CUL7: variants seen among roughly 807,000 people sequenced by gnomAD.
The protein encoded by CUL7 is cullin-7.
A neutral mutation model predicts 177.7 loss-of-function variants in CUL7; 96 were observed. The observed-to-expected ratio is 0.54, with a 90% confidence interval of 0.46 to 0.64. The LOEUF is 0.64. Ranked by LOEUF, CUL7 falls within the 30% of genes least tolerant of loss-of-function variation. CUL7 has a pLI of 0.00. For synonymous variants in CUL7, 824 were observed against 890.2 expected (o/e 0.93, Z 1.32); for missense variants, 1,893 against 2,187.9 (o/e 0.87, Z 2.69).
At chr6:43,046,733 TGG>T in intron 10 of CUL7, 132 bp from the exon 11 acceptor site, 1 of 1,417,370 alleles carries the variant, frequency 7.1e-7, no homozygotes, top group South Asian at 1.2e-5. Flanking sequence ...CAGGCCCAGA[TGG>T]GGCAGAGGGG....
chr6:43,038,554 C>A lies in CUL7; in HGVS notation c.4567+12G>T. The A allele has an allele frequency of 6.2e-7, 1 of 1,614,120 alleles. No individual in the cohort carries two copies. Among genetic ancestry groups the A allele is most frequent in the Non-Finnish European group, 8.5e-7 (1 of 1,179,992 alleles). On this transcript the variant is annotated intron_variant, in intron 24 of 25. Coordinates refer to ENST00000265348, the MANE Select transcript of CUL7 (RefSeq NM_014780.5). ...CCTCAGAGCAGAGGCCCCTCTGGCC[C>A]TAAGTGCATACCTCCTGGTATATCC...
intron 6 of CUL7, 41 bp from the exon 7 acceptor site, chr6:43,049,703 G>C: frequency 6.2e-7 from 1 of 1,611,204 alleles, no homozygotes; most frequent in South Asian, 1.1e-5. Context: ...CAGCCCTGCC[G>C]ACCCAGAGGC....
At position 43,043,007 on chromosome 6, in the gene CUL7, T is replaced by C; in HGVS notation, c.3463-23A>G. The C allele has an allele frequency of 1.2e-6, 2 of 1,614,038 alleles. No homozygotes were observed. Among genetic ancestry groups the C allele is most frequent in the Non-Finnish European group, 1.7e-6 (2 of 1,179,968 alleles). Reference sequence around the variant, plus strand: ...CACCTGGAAGGAAGGGGCAGGAGCATGAAGACACAACCCAACATGCCACCA... The same window carrying C: ...CACCTGGAAGGAAGGGGCAGGAGCACGAAGACACAACCCAACATGCCACCA... On this transcript the variant is annotated intron_variant, in intron 18 of 25. Transcript: ENST00000265348. This position sits in a 1 kb window ranked among gnomAD's most constrained non-coding sequence, Gnocchi z 4.2.
In CUL7 at chr6:43,043,470, A is replaced by G. The variant is rs912329930; in HGVS notation, c.3333T>C (p.Pro1111=). The change falls in exon 17 of 26, where the codon CCT becomes CCC. Residue 1111 remains proline, a synonymous_variant. Transcript: ENST00000265348. The surrounding 1 kb of genome is among the most constrained non-coding windows in gnomAD (Gnocchi z 4.2). ...CACTGGGCCGAGGAGTGGCCACCAC[A>G]GGAGGGGGTGCCTCACAGGGCTCGA... ...VHVEPCEAPP[P]VVATPRPKGR... The G allele has an allele frequency of 1.2e-6, 2 of 1,613,986 alleles. No individual in the cohort carries two copies. Among genetic ancestry groups the G allele is most frequent in the Non-Finnish European group, 1.7e-6 (2 of 1,179,906 alleles).
At position 43,038,016 on chromosome 6, in the gene CUL7, T is replaced by A; in HGVS notation, c.4774-5A>T. The A allele has an allele frequency of 6.3e-7, 1 of 1,588,994 alleles. No individual in the cohort carries two copies. Among genetic ancestry groups the A allele is most frequent in the Non-Finnish European group, 8.6e-7 (1 of 1,166,572 alleles). ...CTTCTGCCAAGCCTCCAGCACCTGG[T>A]GTGGGGGAGGAAGGGAGAAGCGGTA... is the stretch of plus-strand genomic sequence containing the variant. On this transcript the variant is annotated splice_polypyrimidine_tract_variant and splice_region_variant and intron_variant, in intron 25 of 25. Transcript: ENST00000265348.
In CUL7 at chr6:43,052,489, C is replaced by T. The variant is rs377406451; in HGVS notation, c.300G>A (p.Gly100=). 7.6e-5 allele frequency: 123 copies of T among 1,614,066 alleles called. No individual in the cohort carries two copies. Among genetic ancestry groups the T allele is most frequent in the East Asian group, 1.1e-4 (5 of 44,894 alleles). ...GPSQESAGEV[G]ALDKSVLEEM... is the part of the protein sequence containing the mutation. ...CCTCCAGCACAGATTTGTCCAGGGCCCCAACCTCCCCTGCAGACTCCTGGG... is the reference window on the plus strand; with the variant it reads ...CCTCCAGCACAGATTTGTCCAGGGCTCCAACCTCCCCTGCAGACTCCTGGG... The change falls in exon 2 of 26, where the codon GGG becomes GGA. Residue 100 remains glycine, a synonymous_variant. Coordinates refer to ENST00000265348, the MANE Select transcript of CUL7 (RefSeq NM_014780.5). The surrounding 1 kb of genome is among the most constrained non-coding windows in gnomAD (Gnocchi z 4.5).
chr6:43,043,601 G>A lies in CUL7; in HGVS notation c.3202C>T (p.Leu1068=), dbSNP rs367872974. 5.6e-6 allele frequency: 9 copies of A among 1,611,912 alleles called. No individual in the cohort carries two copies. The highest frequency in any genetic ancestry group is 7.6e-6 in the Non-Finnish European group (9 of 1,179,006). ...DEDGISPLGW[L]LDQYLECQEA... ...TGACACTCCAGGTACTGGTCCAGCA[G>A]CCAACCCAGGGGGCTAATGCCATCC... The change falls in exon 17 of 26, where the codon CTG becomes TTG. Residue 1068 remains leucine (L), a synonymous_variant. Transcript: ENST00000265348. The surrounding 1 kb of genome is among the most constrained non-coding windows in gnomAD (Gnocchi z 4.2).
chr6:43,038,602 G>A lies in CUL7; in HGVS notation c.4531C>T (p.Pro1511Ser). 6.2e-7 allele frequency: 1 copy of A among 1,614,066 alleles called. No individual in the cohort carries two copies. The highest frequency in any genetic ancestry group is 1.1e-5 in the South Asian group (1 of 91,080). The change falls in exon 24 of 26, where the codon CCC becomes TCC. Residue 1511 changes from proline to serine, a missense_variant. By Grantham distance (74) the Pro-to-Ser change is moderately conservative (BLOSUM62 -1). Transcript: ENST00000265348. Reference sequence around the variant, plus strand: ...TCCTTTTGCTCGTGAAGGTCCAGGGGGCCTCTTGAAGAGGTGAGGGGCCCA... The same window carrying A: ...TCCTTTTGCTCGTGAAGGTCCAGGGAGCCTCTTGAAGAGGTGAGGGGCCCA... ...AIGPLTSSRGPLDLHEQKDIP... is the reference protein window; with the variant it reads ...AIGPLTSSRGSLDLHEQKDIP...
rs746260381 is a variant in CUL7 at position 43,044,810 on chromosome 6, C to G, written c.3114G>C (p.Leu1038=). ...FLPDDEAAQA[L]GKTCWEALVS... is the part of the protein sequence containing the mutation. ...CCAGGGCCTCCCAGCAGGTCTTGCC[C>G]AGAGCTTGGGCAGCCTCGTCATCAG... is the stretch of plus-strand genomic sequence containing the variant. Residue 1038 remains leucine, a synonymous_variant, in exon 16 of 26, where the codon CTG becomes CTC. Coordinates refer to ENST00000265348, the MANE Select transcript of CUL7 (RefSeq NM_014780.5). 1.9e-6 allele frequency: 3 copies of G among 1,613,834 alleles called. No homozygotes were observed. Among genetic ancestry groups the G allele is most frequent in the Non-Finnish European group, 2.5e-6 (3 of 1,179,852 alleles).
chr6:43,051,608 T>C lies in CUL7; in HGVS notation c.732+4A>G, dbSNP rs141850266. The C allele has an allele frequency of 4.3e-6, 7 of 1,614,004 alleles. No individual in the cohort carries two copies. The highest frequency in any genetic ancestry group is 1.3e-5 in the African/African-American group (1 of 74,876). ...TCCCCCCACCTTACACCCCCAAAGG[T>C]TACCTGTGGTAGCTGAATGCCCTCG... On this transcript the variant is annotated splice_donor_region_variant and intron_variant, in intron 3 of 25. Coordinates refer to ENST00000265348, the MANE Select transcript of CUL7 (RefSeq NM_014780.5). The surrounding 1 kb of genome is among the most constrained non-coding windows in gnomAD (Gnocchi z 5.0).
In CUL7 at chr6:43,053,731, G is replaced by A. The variant is rs1488000178; in HGVS notation, c.-118C>T. 4.8e-6 allele frequency: 7 copies of A among 1,471,254 alleles called. No individual in the cohort carries two copies. Among genetic ancestry groups the A allele is most frequent in the Admixed American group, 2.3e-5 (1 of 42,842 alleles). 91.1% of individuals were successfully genotyped at this position (1,471,254 alleles called of 1,614,324 possible). A position where few individuals can be genotyped will look rare whatever the true frequency, so the allele number is the denominator to read the frequency against. The stretch of plus-strand genomic sequence containing the variant: ...CCCACCTGGGCCCCGCGAGGGGGTC[G>A]AGACGGAGAGACGGGAGGGGGCGTG... On this transcript the variant is annotated 5_prime_UTR_variant, in exon 1 of 26. Transcript: ENST00000265348. This position sits in a 1 kb window ranked among gnomAD's most constrained non-coding sequence, Gnocchi z 4.1.
rs561958734 is a variant in CUL7, at chr6:43,045,997, C to T, written c.2755G>A (p.Glu919Lys). 6 of 1,613,696 alleles carry T rather than the reference C, an allele frequency of 3.7e-6. No homozygotes were observed. The highest frequency in any genetic ancestry group is 5.1e-6 in the Non-Finnish European group (6 of 1,179,746). ...CCCTGGGGTCCTACCGAGTTGAGTTCCGTGTGAAGAGAGCTAGTGCTATCA... is the reference window on the plus strand; with the variant it reads ...CCCTGGGGTCCTACCGAGTTGAGTTTCGTGTGAAGAGAGCTAGTGCTATCA... Reference protein sequence around the residue: ...GGDSTSSLHTELNSVNVMPSA... With the variant: ...GGDSTSSLHTKLNSVNVMPSA... Residue 919 changes from glutamate to lysine, a missense_variant, in exon 13 of 26, where the codon GAA becomes AAA. By Grantham distance (56) the Glu-to-Lys change is moderately conservative. Coordinates refer to ENST00000265348, the MANE Select transcript of CUL7 (RefSeq NM_014780.5). This position sits in a 1 kb window ranked among gnomAD's most constrained non-coding sequence, Gnocchi z 4.8.
intron 19 of CUL7, among the ~76,000 whole-genome samples, chr6:43,042,399 A>G (rs1458797041): frequency 6.6e-6 from 1 of 151,984 alleles, no homozygotes; most frequent in Non-Finnish European, 1.5e-5. Flanking sequence ...CAGTGGTGCA[A>G]TCTCGGCTGA....
At position 43,041,113 on chromosome 6, in the gene CUL7, C is replaced by T. The variant is rs749860045; in HGVS notation, c.3646-38G>A. 2.0e-5 allele frequency: 32 copies of T among 1,608,770 alleles called. No homozygotes were observed. In the South Asian group the frequency reaches 2.4e-4, roughly 12 times the overall value. ...AGAGCACAGGAAAGCCATGAATGAG[C>T]GAGCAGAGCAGGTGAGTGGGGAGGA... On this transcript the variant is annotated intron_variant, in intron 19 of 25. Coordinates refer to ENST00000265348, the MANE Select transcript of CUL7 (RefSeq NM_014780.5).
At position 43,050,999 on chromosome 6, in the gene CUL7, C is replaced by T. The variant is rs73733791; in HGVS notation, c.1202G>A (p.Arg401Gln). ...EISAGDEGEF[R>Q]QSNNGVPPVQ... ...AGGAGGCACACCGTTGTTGCTCTGC[C>T]GAAACTCGCCCTCATCCCCGGCACT... is the stretch of plus-strand genomic sequence containing the variant. The change falls in exon 4 of 26, where the codon CGG becomes CAG. Residue 401 changes from arginine (R) to glutamine (Q), a missense_variant. By Grantham distance (43) the Arg-to-Gln change is conservative. Coordinates refer to ENST00000265348, the MANE Select transcript of CUL7 (RefSeq NM_014780.5). This position sits in a 1 kb window ranked among gnomAD's most constrained non-coding sequence, Gnocchi z 4.1. 3,821 of 1,614,124 alleles carry T rather than the reference C, an allele frequency of 2.4e-3. 85 individuals carry two copies. The African/African-American group carries it at 0.044, about 18-fold the overall frequency.
Position 43,044,738 on chromosome 6 carries a change from G to T in CUL7, c.3172+14C>A. On this transcript the variant is annotated intron_variant, in intron 16 of 25. Transcript: ENST00000265348. ...CCCTGAGATAGTAATGGGTCCAGAT[G>T]TCAGGATGGTTACCAGGGGAGGTGA... 9 of 1,607,324 alleles carry T rather than the reference G, an allele frequency of 5.6e-6. No individual in the cohort carries two copies. The highest frequency in any genetic ancestry group is 2.2e-5 in the East Asian group (1 of 44,642).
chr6:43,049,406 C>A lies in CUL7; in HGVS notation c.1825+1G>T. ...GCTCAGCTGCTGTGTCTGGCACCCA[C>A]CTTCCACTTTGGCTGCATCTTCTGA... On this transcript the variant is annotated splice_donor_variant, in intron 7 of 25. Transcript: ENST00000265348. LOFTEE classifies it high-confidence loss of function. 1 of 1,614,198 alleles carries A rather than the reference C, an allele frequency of 6.2e-7. No individual in the cohort carries two copies. The highest frequency in any genetic ancestry group is 8.5e-7 in the Non-Finnish European group (1 of 1,180,040).
chr6:43,052,038 A>AC lies in CUL7; in HGVS notation c.580+170dup. 3.2e-6 allele frequency: 4 copies of AC among 1,238,652 alleles called. No homozygotes were observed. Among genetic ancestry groups the AC allele is most frequent in the Non-Finnish European group, 4.4e-6 (4 of 901,892 alleles). 76.7% of individuals were successfully genotyped at this position (1,238,652 alleles called of 1,614,324 possible). On this transcript the variant is annotated intron_variant, in intron 2 of 25. Coordinates refer to ENST00000265348, the MANE Select transcript of CUL7 (RefSeq NM_014780.5). This position sits in a 1 kb window ranked among gnomAD's most constrained non-coding sequence, Gnocchi z 4.5. Reference sequence around the variant, plus strand: ...ATAGTCTTTCCTCTTTTGGCAGATAACCCCCACCCTCACTCCCATGCCCAC... The same window carrying AC: ...ATAGTCTTTCCTCTTTTGGCAGATAACCCCCCACCCTCACTCCCATGCCCAC...
Position 43,040,378 on chromosome 6 carries a change from C to T in CUL7, c.4072G>A (p.Glu1358Lys). The change falls in exon 22 of 26, where the codon GAA becomes AAA. Residue 1358 changes from glutamate to lysine, a missense_variant. Physicochemically the swap from Glu to Lys is moderately conservative, Grantham distance 56. Transcript: ENST00000265348. This position sits in a 1 kb window ranked among gnomAD's most constrained non-coding sequence, Gnocchi z 4.2. ...GKEHKSEKEE[E>K]AGAAAVVDVA... ...TCCACCACTGCTGCTGCCCCAGCTT[C>T]CTCTTCCTTCTCGCTCTTGTGCTCC... 1.2e-6 allele frequency: 2 copies of T among 1,613,450 alleles called. No homozygotes were observed. The highest frequency in any genetic ancestry group is 1.3e-5 in the African/African-American group (1 of 75,046).
Sources: gnomAD v4.1 joint callset for allele counts (sites outside exome capture counted in the v4.1 genomes callset) on GRCh38, gnomAD v4.1.1 for gene constraint, Gnocchi (gnomAD v3.1) non-coding constraint, MANE v1.5 for transcripts, NCBI Gene and HGNC (gene_info 2026-07-23, HGNC 2026-07-21) for gene names.